TRIM27: variants seen among roughly 807,000 people sequenced by gnomAD.
TRIM27 encodes zinc finger protein RFP.
A neutral mutation model predicts 57.6 loss-of-function variants in TRIM27; 12 were observed. The observed-to-expected ratio is 0.21, with a 90% CI of 0.13 to 0.34. TRIM27 has a LOEUF of 0.34. Among genes scored for constraint, TRIM27 ranks in the 10% least tolerant of loss-of-function variants. TRIM27 has a pLI of 1.00. For missense variants in TRIM27, 403 were observed against 656.8 expected (o/e 0.61, Z 4.22); for synonymous variants, 266 against 259.0 (o/e 1.03, Z -0.26).
In TRIM27 at chr6:28,923,782, C is replaced by A; in HGVS notation, c.-150G>T. The A allele has an allele frequency of 1.2e-6, 1 of 858,946 alleles. No individual in the cohort carries two copies. Among genetic ancestry groups the A allele is most frequent in the South Asian group, 1.9e-5 (1 of 53,206 alleles). The allele number at this position is 858,946 out of a possible 1,614,324, so 53.2% of individuals were successfully genotyped here. ...CTCCCGGGCCCGTATCCCAGACGCG[C>A]CCGCGCACCGAAGGCTTGGAGTGGC... On this transcript the variant is annotated 5_prime_UTR_variant, in exon 1 of 8. Transcript: ENST00000377199.
intron 2 of TRIM27, 57 bp downstream of exon 2, chr6:28,921,835 G>T: frequency 2.2e-6 from 3 of 1,380,666 alleles, no homozygotes; most frequent in Non-Finnish European, 3.1e-6. Context: ...AGTAACATCA[G>T]CTCTACAGAA....
intron 7 of TRIM27, chr6:28,905,344 C>T (rs188644549): frequency 6.6e-6 from 1 of 152,144 alleles, no homozygotes; most frequent in Non-Finnish European, 1.5e-5. Flanking sequence ...ATTAATAGAT[C>T]TGCTGTGAGA....
At chr6:28,907,308 A>T in intron 6 of TRIM27, 46 bp from the exon 7 acceptor site, 1 of 1,589,804 alleles carries the variant, frequency 6.3e-7, no homozygotes, top group South Asian at 1.1e-5. Flanking sequence ...GAGGGTTTCC[A>T]GGAAATACAT....
chr6:28,921,927 G>C lies in TRIM27; in HGVS notation c.481C>G (p.Arg161Gly). ...GCTCGTGCCTGTTCCCCCTGGGCCC[G>C]ACGTCTCTTCTTTAAATCTTTCACT... Reference protein sequence around the residue: ...KRVKDLKKRRRAQGEQARAEL... With the variant: ...KRVKDLKKRRGAQGEQARAEL... The change falls in exon 2 of 8, where the codon CGG (arginine) becomes GGG (glycine). Residue 161 changes from arginine to glycine, a missense_variant. Transcript: ENST00000377199. The C allele has an allele frequency of 6.2e-7, 1 of 1,613,060 alleles. No individual in the cohort carries two copies. Among genetic ancestry groups the C allele is most frequent in the South Asian group, 1.1e-5 (1 of 91,084 alleles).
At chr6:28,914,010 G>A (rs562611090) in intron 3 of TRIM27, among the ~76,000 whole-genome samples, 2 of 141,900 alleles carry the variant, frequency 1.4e-5, no homozygotes, top group East Asian at 4.1e-4. Flanking sequence ...CTTTCACAGT[G>A]TAGCCTACCT....
chr6:28,916,359 C>T (rs1167580819), intron 3 of TRIM27, among the ~76,000 whole-genome samples: 5 of 151,706 alleles, frequency 3.3e-5, no homozygotes, highest in Non-Finnish European at 5.9e-5. Flanking sequence ...TTGAGACTAG[C>T]CTGACCAACA....
At chr6:28,908,480 G>A in intron 6 of TRIM27, 1 of 317,514 alleles carries the variant, frequency 3.1e-6, no homozygotes, top group Non-Finnish European at 5.8e-6. Context: ...ATAAACACTG[G>A]CTCAAGTGAA....
At chr6:28,911,470 C>G in intron 4 of TRIM27, 1 of 535,666 alleles carries the variant, frequency 1.9e-6, no homozygotes, top group Non-Finnish European at 3.3e-6. Context: ...GTCCTCATAC[C>G]CCTAATCCAC....
chr6:28,919,800 A>G (rs1013857096), intron 3 of TRIM27, among the ~76,000 whole-genome samples: 13 of 152,226 alleles, frequency 8.5e-5, no homozygotes, highest in Non-Finnish European at 1.9e-4. Flanking sequence ...TGCCATTTCT[A>G]TGAGACAACG....
At chr6:28,909,135 G>T in intron 4 of TRIM27, 47 bp from the exon 5 acceptor site, 1 of 1,363,882 alleles carries the variant, frequency 7.3e-7, no homozygotes, top group Non-Finnish European at 1.0e-6. Context: ...TTGAGATGGA[G>T]TTTCGCTTGT....
chr6:28,910,467 T>A (rs886968568), intron 4 of TRIM27, among the ~76,000 whole-genome samples: 1 of 152,158 alleles, frequency 6.6e-6, no homozygotes, highest in Non-Finnish European at 1.5e-5. Context: ...GTAGCTGGGA[T>A]TACAGGCATG....
intron 3 of TRIM27, among the ~76,000 whole-genome samples, chr6:28,912,662 T>C (rs1773294339): frequency 1.3e-5 from 2 of 152,328 alleles, no homozygotes; most frequent in Admixed American, 1.3e-4. Flanking sequence ...AACAATCTTG[T>C]AGGTTTCTAA....
At chr6:28,916,552 C>CA (rs141514492) in intron 3 of TRIM27, among the ~76,000 whole-genome samples, 10,364 of 125,014 alleles carry the variant, frequency 0.083, 575 homozygotes, top group African/African-American at 0.18. Context: ...AACTCTGCCT[C>CA]AAAAAAAAAA....
Position 28,904,201 on chromosome 6 carries a change from G to A in TRIM27, c.1411C>T (p.Arg471Trp). ...GAGTAACTCAGACTGAAGTAGGGCC[G>A]GACAGGCCCACAAAAGGTAGCATGA... ...FSHATFCGPV[R>W]PYFSLSYSGG... is the part of the protein sequence containing the mutation. Residue 471 changes from arginine to tryptophan, a missense_variant, in exon 8 of 8, where the codon CGG becomes TGG. Arg to Trp is a moderately radical substitution (Grantham distance 101, BLOSUM62 -3). Transcript: ENST00000377199. This position sits in a 1 kb window ranked among gnomAD's most constrained non-coding sequence, Gnocchi z 6.1. 1 of 1,613,060 alleles carries A rather than the reference G, an allele frequency of 6.2e-7. No homozygotes were observed. Among genetic ancestry groups the A allele is most frequent in the Non-Finnish European group, 8.5e-7 (1 of 1,180,024 alleles).
At chr6:28,910,123 G>GAAAAAAAAAAAAAAAAAGA (rs1773077776) in intron 4 of TRIM27, among the ~76,000 whole-genome samples, 1 of 97,620 alleles carries the variant, frequency 1.0e-5, no homozygotes, top group African/African-American at 3.4e-5. Flanking sequence ...AAAGAAAAAT[G>GAAAAAAAAAAAAAAAAAGA]AAAAAAAAAA....
In TRIM27 at chr6:28,923,607, C is replaced by A; in HGVS notation, c.26G>T (p.Cys9Phe). MASGSVAE[C>F]LQQETTCPVC... is the part of the protein sequence containing the mutation. Reference sequence around the variant, plus strand: ...GGGGCAGGTGGTCTCCTGCTGCAGGCACTCGGCCACACTCCCGGAGGCCAT... The same window carrying A: ...GGGGCAGGTGGTCTCCTGCTGCAGGAACTCGGCCACACTCCCGGAGGCCAT... The change falls in exon 1 of 8, where the codon TGC becomes TTC. Residue 9 changes from cysteine to phenylalanine, a missense_variant. Coordinates refer to ENST00000377199, the MANE Select transcript of TRIM27 (RefSeq NM_006510.5). 1 of 1,593,782 alleles carries A rather than the reference C, an allele frequency of 6.3e-7. No individual in the cohort carries two copies. The highest frequency in any genetic ancestry group is 8.6e-7 in the Non-Finnish European group (1 of 1,168,350).
chr6:28,914,597 A>G (rs1436967912), intron 3 of TRIM27, among the ~76,000 whole-genome samples: 295 of 49,638 alleles, frequency 5.9e-3, no homozygotes, highest in African/African-American at 7.0e-3. Context: ...GGGGGGGATG[A>G]GGGATAACAG....
intron 3 of TRIM27, among the ~76,000 whole-genome samples, chr6:28,913,930 C>G (rs1375201985): frequency 6.7e-6 from 1 of 149,578 alleles, no homozygotes; most frequent in Non-Finnish European, 1.5e-5. Context: ...CTAATACCAA[C>G]AGCTTTAATT....
Position 28,904,671 on chromosome 6 carries a change from G to C in TRIM27, c.947-6C>G, listed in dbSNP as rs543727181. On this transcript the variant is annotated splice_polypyrimidine_tract_variant and splice_region_variant and intron_variant, in intron 7 of 7. Transcript: ENST00000377199. This position sits in a 1 kb window ranked among gnomAD's most constrained non-coding sequence, Gnocchi z 6.1. ...TGGGTCCAGAGTCACGTCCACTGTAGAGACACAAGGAAGACAGTCAGCCGT... is the reference window on the plus strand; with the variant it reads ...TGGGTCCAGAGTCACGTCCACTGTACAGACACAAGGAAGACAGTCAGCCGT... The C allele has an allele frequency of 4.4e-6, 7 of 1,589,134 alleles. No homozygotes were observed. In the East Asian group the frequency reaches 1.6e-4, roughly 36 times the overall value.
Sources: gnomAD v4.1 joint callset for allele counts (sites outside exome capture counted in the v4.1 genomes callset) on GRCh38, gnomAD v4.1.1 for gene constraint, Gnocchi (gnomAD v3.1) non-coding constraint, MANE v1.5 for transcripts, NCBI Gene and HGNC (gene_info 2026-07-23, HGNC 2026-07-21) for gene names.